DAW1: variants seen among roughly 807,000 people sequenced by gnomAD.
The protein encoded by DAW1 is dynein assembly factor with WD repeat domains 1.
DAW1 carries 47 observed loss-of-function variants against 56.5 expected under a neutral mutation model. The observed-to-expected ratio is 0.83, with a 90% confidence interval of 0.66 to 1.06. The LOEUF (loss-of-function observed/expected upper bound fraction) is 1.06, where lower values mean the gene tolerates loss of function less well. DAW1 is among the 50% of genes least tolerant of loss of function. The pLI is 0.00. For missense variants in DAW1, 505 were observed against 499.3 expected (o/e 1.01, Z -0.11); for synonymous variants, 190 against 179.0 (o/e 1.06, Z -0.49).
At chr2:227,916,414 C>T (rs552070706) in intron 10 of DAW1, among the ~76,000 whole-genome samples, 1 of 152,198 alleles carries the variant, frequency 6.6e-6, no homozygotes, top group African/African-American at 2.4e-5. Flanking sequence ...GCTGTTATGA[C>T]TGCGTTGTCT....
intron 5 of DAW1, among the ~76,000 whole-genome samples, chr2:227,897,511 GAC>G (rs1437142122): frequency 6.6e-6 from 1 of 152,184 alleles, no homozygotes; most frequent in Non-Finnish European, 1.5e-5. Flanking sequence ...TGGTGTAAAA[GAC>G]AGTTGTAAGC....
chr2:227,889,736 G>T, intron 2 of DAW1, 120 bp from the exon 3 acceptor site: 1 of 784,640 alleles, frequency 1.3e-6, no homozygotes, highest in Non-Finnish European at 1.9e-6. Flanking sequence ...GAAAGATAAT[G>T]GTGTTTTTGA....
intron 1 of DAW1, among the ~76,000 whole-genome samples, chr2:227,881,813 T>C (rs528431805): frequency 1.3e-4 from 18 of 137,742 alleles, no homozygotes; most frequent in East Asian, 1.2e-3. Context: ...AGTGCAGTGG[T>C]GCAATCTTGT....
At chr2:227,896,649 A>G (rs1482094556) in intron 5 of DAW1, among the ~76,000 whole-genome samples, 1 of 151,502 alleles carries the variant, frequency 6.6e-6, no homozygotes, top group African/African-American at 2.4e-5. Context: ...AGAGAGAGAG[A>G]AAGGAAAAAC....
intron 10 of DAW1, among the ~76,000 whole-genome samples, chr2:227,917,297 T>G (rs1048391163): frequency 2.0e-5 from 3 of 151,864 alleles, no homozygotes; most frequent in Non-Finnish European, 4.4e-5. Flanking sequence ...GTCTTGCTCT[T>G]TCGCCCAGGT....
intron 5 of DAW1, among the ~76,000 whole-genome samples, chr2:227,895,996 T>C (rs941533890): frequency 6.6e-6 from 1 of 152,138 alleles, no homozygotes; most frequent in Non-Finnish European, 1.5e-5. Context: ...AATAGACATT[T>C]TATACTACAG....
intron 1 of DAW1, among the ~76,000 whole-genome samples, chr2:227,879,561 T>G (rs1010799748): frequency 1.3e-5 from 2 of 152,002 alleles, no homozygotes; most frequent in African/African-American, 4.8e-5. Context: ...AATTTGTCAA[T>G]TTTTTCTTTT....
intron 6 of DAW1, among the ~76,000 whole-genome samples, chr2:227,902,379 T>C (rs1358538227): frequency 1.3e-5 from 2 of 151,808 alleles, no homozygotes; most frequent in Non-Finnish European, 1.5e-5. Context: ...ATGGGGAGGA[T>C]GGACCAGGAG....
intron 6 of DAW1, among the ~76,000 whole-genome samples, chr2:227,900,233 G>A (rs1446160241): frequency 6.6e-6 from 1 of 152,138 alleles, no homozygotes; most frequent in Non-Finnish European, 1.5e-5. Context: ...CTTGCCCAAA[G>A]TCAAAGAAAA....
intron 6 of DAW1, among the ~76,000 whole-genome samples, chr2:227,901,523 G>A (rs1220914569): frequency 1.3e-5 from 2 of 152,084 alleles, no homozygotes; most frequent in Non-Finnish European, 2.9e-5. Flanking sequence ...TATAGAGTAT[G>A]GAGAGGGACT....
Position 227,890,002 on chromosome 2 carries a change from T to A in DAW1, c.258+2T>A. The A allele has an allele frequency of 6.4e-7, 1 of 1,550,668 alleles. No individual in the cohort carries two copies. The highest frequency in any genetic ancestry group is 8.7e-7 in the Non-Finnish European group (1 of 1,153,086). The stretch of plus-strand genomic sequence containing the variant: ...AATCACACGTTCTATCTTTTTAAGG[T>A]AATGGATTTAAAAACAATCAGATAG... On this transcript the variant is annotated splice_donor_variant, in intron 3 of 12. Coordinates refer to ENST00000309931, the MANE Select transcript of DAW1 (RefSeq NM_178821.3). LOFTEE classifies it high-confidence loss of function.
chr2:227,888,741 G>A (rs1691188222), intron 2 of DAW1, among the ~76,000 whole-genome samples: 1 of 152,180 alleles, frequency 6.6e-6, no homozygotes, highest in African/African-American at 2.4e-5. Flanking sequence ...TTTGTGAAAT[G>A]GCTCTTTTTT....
At chr2:227,901,770 A>G (rs571371333) in intron 6 of DAW1, among the ~76,000 whole-genome samples, 1 of 152,216 alleles carries the variant, frequency 6.6e-6, no homozygotes, top group African/African-American at 2.4e-5. Context: ...TTCCCAAGAA[A>G]TTTGGTTGTA....
chr2:227,896,056 A>G (rs1477738591), intron 5 of DAW1, among the ~76,000 whole-genome samples: 1 of 152,228 alleles, frequency 6.6e-6, no homozygotes, highest in Non-Finnish European at 1.5e-5. Context: ...TTAGAAATGT[A>G]GTACCCTTTC....
chr2:227,881,940 C>T (rs1034275636), intron 1 of DAW1, among the ~76,000 whole-genome samples: 93 of 151,834 alleles, frequency 6.1e-4, no homozygotes, highest in African/African-American at 2.1e-3. Flanking sequence ...TTATTAGAGA[C>T]GGTGTTTCAG....
intron 11 of DAW1, 64 bp from the exon 12 acceptor site, chr2:227,921,328 TTTTTTGC>T: frequency 2.9e-6 from 2 of 700,524 alleles, no homozygotes; most frequent in South Asian, 3.8e-5. Flanking sequence ...TTTTTTTTTT[TTTTTTGC>T]TGATAAGAAA....
At chr2:227,904,175 C>T (rs987318430) in intron 7 of DAW1, among the ~76,000 whole-genome samples, 1 of 151,956 alleles carries the variant, frequency 6.6e-6, no homozygotes, top group African/African-American at 2.4e-5. Flanking sequence ...ACTTAGAATT[C>T]GAATATTCAA....
At chr2:227,911,205 T>TAC (rs1349916249) in intron 10 of DAW1, among the ~76,000 whole-genome samples, 1 of 96,778 alleles carries the variant, frequency 1.0e-5, no homozygotes, top group African/African-American at 3.3e-5. Context: ...CATACATATA[T>TAC]ATGTGTATAT....
At chr2:227,896,908 C>T (rs1394124632) in intron 5 of DAW1, among the ~76,000 whole-genome samples, 2 of 151,420 alleles carry the variant, frequency 1.3e-5, no homozygotes, top group Non-Finnish European at 2.9e-5. Context: ...CATAGTGAGA[C>T]CTCATCTCTA....
Sources: allele counts gnomAD v4.1 joint callset (sites outside exome capture counted in the v4.1 genomes callset), GRCh38; gene constraint gnomAD v4.1.1; transcripts MANE v1.5; gene names NCBI Gene and HGNC (gene_info 2026-07-23, HGNC 2026-07-21).